Variants in PTPRM observed in about 807,000 individuals in gnomAD.
The protein encoded by PTPRM is receptor-type tyrosine-protein phosphatase mu.
PTPRM carries 47 observed loss-of-function variants against 186.7 expected under a neutral mutation model. That is an observed-to-expected ratio of 0.25 (90% confidence interval 0.20 to 0.32). The LOEUF (loss-of-function observed/expected upper bound fraction) is 0.32, where lower values mean the gene tolerates loss of function less well. PTPRM is among the 10% of genes least tolerant of loss of function. PTPRM has a pLI of 1.00. For synonymous variants in PTPRM, 668 were observed against 674.9 expected, an observed-to-expected ratio of 0.99 and a Z score of 0.16; for missense variants, 1,494 against 1,865.0, an observed-to-expected ratio of 0.80 and a Z score of 3.66.
intron 5 of PTPRM, among the ~76,000 whole-genome samples, chr18:7,927,013 TTC>T (rs10616157): frequency 0.37 from 55,965 of 149,596 alleles, 12,091 homozygotes; most frequent in African/African-American, 0.61. Flanking sequence ...AAGAGTCTCT[TTC>T]TCTCTCTCTC....
chr18:8,005,516 A>G (rs1296246900), intron 7 of PTPRM, among the ~76,000 whole-genome samples: 1 of 152,210 alleles, frequency 6.6e-6, no homozygotes, highest in African/African-American at 2.4e-5. Context: ...AGGTTGACAT[A>G]TGCCCATTTT....
chr18:7,823,753 T>C (rs1408192166), intron 2 of PTPRM, among the ~76,000 whole-genome samples: 1 of 152,202 alleles, frequency 6.6e-6, no homozygotes, highest in Non-Finnish European at 1.5e-5. Flanking sequence ...CCAGGGGCCC[T>C]TGGGTCGGCT....
chr18:8,078,394 C>G (rs1404119490), intron 9 of PTPRM, among the ~76,000 whole-genome samples: 1 of 152,176 alleles, frequency 6.6e-6, no homozygotes, highest in Non-Finnish European at 1.5e-5. Context: ...CAAAATCACG[C>G]TAAGGAAATC....
chr18:7,695,529 A>G (rs2039825191), intron 1 of PTPRM, among the ~76,000 whole-genome samples: 1 of 152,260 alleles, frequency 6.6e-6, no homozygotes, highest in Admixed American at 6.5e-5. Context: ...CAGTAAGTTT[A>G]CAACAATTTG....
intron 1 of PTPRM, among the ~76,000 whole-genome samples, chr18:7,710,618 T>C (rs1225370353): frequency 3.3e-5 from 5 of 152,186 alleles, no homozygotes; most frequent in Non-Finnish European, 7.3e-5. Context: ...CGCTGTTTGC[T>C]GATGAAATGA....
chr18:7,571,634 TTAACA>T (rs1242467401), intron 1 of PTPRM, among the ~76,000 whole-genome samples: 2 of 152,376 alleles, frequency 1.3e-5, no homozygotes, highest in Admixed American at 6.5e-5. Flanking sequence ...ATATTAAATG[TTAACA>T]TAACCTTGTG....
At chr18:8,144,865 A>G (rs1284052126) in intron 14 of PTPRM, among the ~76,000 whole-genome samples, 3 of 152,160 alleles carry the variant, frequency 2.0e-5, no homozygotes, top group Admixed American at 6.5e-5. Flanking sequence ...TCTTTTCTCT[A>G]TTGTTTCGAA....
chr18:7,874,560 G>A (rs1469613517), intron 2 of PTPRM, among the ~76,000 whole-genome samples: 1 of 149,654 alleles, frequency 6.7e-6, no homozygotes, highest in Non-Finnish European at 1.5e-5. Flanking sequence ...AAAAAAAAAA[G>A]AGAGAGAGAA....
chr18:8,194,466 ACT>A (rs1426842550), intron 14 of PTPRM, among the ~76,000 whole-genome samples: 2 of 152,198 alleles, frequency 1.3e-5, no homozygotes, highest in Non-Finnish European at 2.9e-5. Context: ...CCATAGAGTA[ACT>A]CTGCTTTCAG....
chr18:8,328,258 G>C (rs2095390531), intron 22 of PTPRM, among the ~76,000 whole-genome samples: 2 of 152,226 alleles, frequency 1.3e-5, no homozygotes, highest in Admixed American at 1.3e-4. Flanking sequence ...CATTCCGGTA[G>C]TGGAGGGTTC....
intron 1 of PTPRM, among the ~76,000 whole-genome samples, chr18:7,622,125 G>A (rs1015736170): frequency 2.0e-5 from 3 of 152,200 alleles, no homozygotes; most frequent in African/African-American, 7.2e-5. Flanking sequence ...CCAGAATTTG[G>A]TGGTGTCAGT....
chr18:8,320,264 G>C (rs1323222914), intron 22 of PTPRM, among the ~76,000 whole-genome samples: 2 of 152,300 alleles, frequency 1.3e-5, no homozygotes, highest in East Asian at 3.9e-4. Context: ...AGATAATTGG[G>C]GTTGGAAAGT....
chr18:8,311,971 G>A (rs942565048), intron 20 of PTPRM, among the ~76,000 whole-genome samples: 1 of 152,172 alleles, frequency 6.6e-6, no homozygotes, highest in Admixed American at 6.5e-5. Context: ...GGAATCTGAC[G>A]AGGGGGTACA....
At chr18:7,597,389 C>G (rs2037293591) in intron 1 of PTPRM, among the ~76,000 whole-genome samples, 1 of 152,088 alleles carries the variant, frequency 6.6e-6, no homozygotes, top group South Asian at 2.1e-4. Context: ...GTTTCTTTAC[C>G]TTTCGGATCA....
chr18:8,118,811 A>T (rs201388187), intron 13 of PTPRM, among the ~76,000 whole-genome samples: 3,275 of 128,240 alleles, frequency 0.026, 56 homozygotes, highest in Admixed American at 0.047. Context: ...AAAAAAAAAA[A>T]ATATATATAT....
intron 3 of PTPRM, among the ~76,000 whole-genome samples, chr18:7,905,208 G>T (rs143801271): frequency 1.6e-4 from 25 of 152,226 alleles, no homozygotes; most frequent in Non-Finnish European, 2.4e-4. Context: ...TGGCCAGCTA[G>T]TCTCAAACTC....
At chr18:8,000,430 C>T (rs1307816365) in intron 7 of PTPRM, among the ~76,000 whole-genome samples, 1 of 152,104 alleles carries the variant, frequency 6.6e-6, no homozygotes, top group Non-Finnish European at 1.5e-5. Context: ...TTACTGTGTG[C>T]CAATAAGTGA....
chr18:8,383,701 G>T (rs1349490837), intron 29 of PTPRM, among the ~76,000 whole-genome samples: 4 of 152,182 alleles, frequency 2.6e-5, no homozygotes, highest in African/African-American at 7.2e-5. Context: ...CAGCAGATTT[G>T]CTAGATCTGA....
chr18:8,352,362 G>A (rs780499077), intron 23 of PTPRM, among the ~76,000 whole-genome samples: 2 of 152,162 alleles, frequency 1.3e-5, no homozygotes, highest in Non-Finnish European at 2.9e-5. Flanking sequence ...TGGTGCTGAG[G>A]TTAGGGCTTC....
Sources: gnomAD v4.1 joint callset for allele counts (sites outside exome capture counted in the v4.1 genomes callset) on GRCh38, gnomAD v4.1.1 for gene constraint, MANE v1.5 for transcripts, NCBI Gene and HGNC (gene_info 2026-07-23, HGNC 2026-07-21) for gene names.